The following NCKAP5 variants were observed in gnomAD, a reference collection of about 807,000 sequenced individuals.
NCKAP5 encodes NCK associated protein 5.
NCKAP5 carries 92 observed loss-of-function variants against 167.0 expected under a neutral mutation model. That is an observed-to-expected ratio of 0.55 (90% confidence interval 0.47 to 0.66). The LOEUF (loss-of-function observed/expected upper bound fraction) is 0.66, where lower values mean the gene tolerates loss of function less well. Ranked by LOEUF, NCKAP5 falls within the 30% of genes least tolerant of loss-of-function variation. NCKAP5 has a pLI of 0.00. For synonymous variants in NCKAP5, 891 were observed against 877.4 expected, an observed-to-expected ratio of 1.02 and a Z score of -0.27; for missense variants, 2,378 against 2,315.0, an observed-to-expected ratio of 1.03 and a Z score of -0.56.
At chr2:132,901,144 A>C (rs1365978100) in intron 8 of NCKAP5, among the ~76,000 whole-genome samples, 1 of 152,134 alleles carries the variant, frequency 6.6e-6, no homozygotes, top group Non-Finnish European at 1.5e-5. Flanking sequence ...TTTGGTATTA[A>C]GTGAATCAAT....
intron 8 of NCKAP5, among the ~76,000 whole-genome samples, chr2:132,909,380 G>C (rs984068422): frequency 1.3e-5 from 2 of 152,036 alleles, no homozygotes; most frequent in South Asian, 2.1e-4. Context: ...CTTATTTTTA[G>C]TATGCTCAGG....
At chr2:133,162,325 A>T (rs1341928374) in intron 5 of NCKAP5, among the ~76,000 whole-genome samples, 1 of 152,242 alleles carries the variant, frequency 6.6e-6, no homozygotes, top group Non-Finnish European at 1.5e-5. Flanking sequence ...TGTGCTAGAG[A>T]TTAACGATCT....
chr2:133,222,738 G>C (rs147793410), intron 4 of NCKAP5, among the ~76,000 whole-genome samples: 3 of 152,318 alleles, frequency 2.0e-5, no homozygotes, highest in African/African-American at 4.8e-5. Flanking sequence ...AATGGAGGCT[G>C]CTCATGCAGA....
intron 8 of NCKAP5, among the ~76,000 whole-genome samples, chr2:132,912,171 C>A (rs1694505350): frequency 6.6e-6 from 1 of 151,932 alleles, no homozygotes; most frequent in Non-Finnish European, 1.5e-5. Context: ...GCTTGGGCAC[C>A]TCCAACAGGA....
At chr2:132,793,720 G>T (rs11901057) in intron 12 of NCKAP5, among the ~76,000 whole-genome samples, 3 of 152,172 alleles carry the variant, frequency 2.0e-5, no homozygotes, top group South Asian at 2.1e-4. Context: ...CAGCAGGCAC[G>T]TAAGTTAAGG....
Position 132,784,264 on chromosome 2 carries a change from C to G in NCKAP5, c.2547G>C (p.Lys849Asn), listed in dbSNP as rs775855568. The G allele has an allele frequency of 2.2e-5, 36 of 1,610,718 alleles. No individual in the cohort carries two copies. The highest frequency in any genetic ancestry group is 2.9e-5 in the Non-Finnish European group (34 of 1,178,932). Residue 849 changes from lysine to asparagine, a missense_variant, in exon 14 of 20, where the codon AAG (lysine) becomes AAC (asparagine). This residue lies in a region of NCKAP5 where 1,049 missense variants were observed against 1,023.4 expected (regional missense o/e 1.02). Transcript: ENST00000409261. ...LAPGKLSRFMKTESSGPLFEL... is the reference protein window; with the variant it reads ...LAPGKLSRFMNTESSGPLFEL... ...CAAAGAGGGGCCCTGAGCTCTCAGTCTTCATGAATCGTGAGAGTTTCCCAG... is the reference window on the plus strand; with the variant it reads ...CAAAGAGGGGCCCTGAGCTCTCAGTGTTCATGAATCGTGAGAGTTTCCCAG...
chr2:132,706,004 A>T (rs1362590523), intron 19 of NCKAP5, among the ~76,000 whole-genome samples: 1 of 152,088 alleles, frequency 6.6e-6, no homozygotes, highest in African/African-American at 2.4e-5. Context: ...ATACATGGAG[A>T]CATATATATT....
At chr2:132,886,196 G>A (rs1407204316) in intron 8 of NCKAP5, among the ~76,000 whole-genome samples, 1 of 152,116 alleles carries the variant, frequency 6.6e-6, no homozygotes, top group Non-Finnish European at 1.5e-5. Context: ...GTATAAAAAT[G>A]TAGCAAAATA....
chr2:133,058,691 T>A (rs1039772432), intron 6 of NCKAP5, among the ~76,000 whole-genome samples: 9 of 152,192 alleles, frequency 5.9e-5, no homozygotes, highest in African/African-American at 2.2e-4. Context: ...GAAGATACTA[T>A]GTAGATTGTT....
At chr2:132,712,529 G>A (rs1688964373) in intron 19 of NCKAP5, among the ~76,000 whole-genome samples, 1 of 152,102 alleles carries the variant, frequency 6.6e-6, no homozygotes, top group Non-Finnish European at 1.5e-5. Context: ...GCGGGCACCT[G>A]TAGTCCCAGC....
At chr2:133,206,657 G>C (rs1048397214) in intron 5 of NCKAP5, among the ~76,000 whole-genome samples, 1 of 152,112 alleles carries the variant, frequency 6.6e-6, no homozygotes, top group Admixed American at 6.6e-5. Context: ...CCCCTGAAAA[G>C]AACAGAATAA....
chr2:132,751,507 T>C lies in NCKAP5; in HGVS notation c.5129-19456A>G, dbSNP rs184884650. ...CTTGTATTCCATATGCCTGCAGAAC[T>C]CTATTCCAGAAGCCAAGTTTATTAT... On this transcript the variant is annotated intron_variant, in intron 16 of 19. Transcript: ENST00000409261. Among the ~76,000 whole-genome samples the C allele has an allele frequency of 3.5e-3, 534 of 152,302 alleles. 2 individuals are homozygous for C. The highest frequency in any genetic ancestry group is 0.012 in the African/African-American group (513 of 41,556).
At chr2:133,141,084 A>G (rs185832623) in intron 5 of NCKAP5, among the ~76,000 whole-genome samples, 1 of 152,078 alleles carries the variant, frequency 6.6e-6, no homozygotes, top group African/African-American at 2.4e-5. Flanking sequence ...TTCTCTCGGT[A>G]ACAACTTTTA....
intron 4 of NCKAP5, among the ~76,000 whole-genome samples, chr2:133,286,323 A>C (rs1038073372): frequency 2.0e-5 from 3 of 152,196 alleles, no homozygotes; most frequent in Admixed American, 1.3e-4. Context: ...ACCACAAATA[A>C]AGTCTTGGCC....
chr2:133,254,282 G>A (rs2088504704), intron 4 of NCKAP5, among the ~76,000 whole-genome samples: 1 of 152,098 alleles, frequency 6.6e-6, no homozygotes, highest in African/African-American at 2.4e-5. Context: ...AAGTAGTCCT[G>A]CTAGAGAGAG....
At chr2:132,780,308 T>C (rs903785067) in intron 15 of NCKAP5, among the ~76,000 whole-genome samples, 2 of 152,056 alleles carry the variant, frequency 1.3e-5, no homozygotes, top group Non-Finnish European at 1.5e-5. Context: ...CCCACCACCA[T>C]GCCTGGCTAA....
intron 4 of NCKAP5, among the ~76,000 whole-genome samples, chr2:133,219,758 A>G (rs2086581894): frequency 1.3e-5 from 2 of 151,364 alleles, no homozygotes; most frequent in African/African-American, 4.9e-5. Flanking sequence ...TTATTTTTGT[A>G]TGAAAGGGTC....
At chr2:133,647,380 G>A in the NCKAP5 span, among the ~76,000 whole-genome samples, 166 of 85,590 alleles carry the variant, frequency 1.9e-3, 2 homozygotes, top group South Asian at 0.018. Context: ...AGAAAGAAAG[G>A]AAGGAAGGAA....
chr2:133,101,089 AG>A (rs1210348603), intron 6 of NCKAP5, among the ~76,000 whole-genome samples: 4 of 151,288 alleles, frequency 2.6e-5, no homozygotes, highest in Non-Finnish European at 5.9e-5. Context: ...ATAAGGTGTA[AG>A]GAAGGGATCC....
Sources: allele counts gnomAD v4.1 joint callset (sites outside exome capture counted in the v4.1 genomes callset), GRCh38; gene constraint gnomAD v4.1.1; regional missense constraint gnomAD v4.1.1; transcripts MANE v1.5; gene names NCBI Gene and HGNC (gene_info 2026-07-23, HGNC 2026-07-21).